ACSM6: variants seen among roughly 807,000 people sequenced by gnomAD.
The protein encoded by ACSM6 is acyl-coenzyme A synthetase ACSM6, mitochondrial.
In ACSM6, 35 loss-of-function variants were observed where a neutral mutation model predicts 51.1. The ratio of observed to expected loss-of-function variants is 0.69; its 90% CI spans 0.52 to 0.91. The LOEUF is 0.91. Among genes scored for constraint, ACSM6 ranks in the 40% least tolerant of loss-of-function variants. The pLI, the probability that ACSM6 is intolerant of heterozygous loss-of-function variation, is 0.00. For missense variants in ACSM6, 509 were observed against 584.1 expected, an observed-to-expected ratio of 0.87 and a Z score of 1.32; for synonymous variants, 172 against 207.3, an observed-to-expected ratio of 0.83 and a Z score of 1.46.
chr10:95,210,791 C>T, exon 5 of ACSM6: 1 of 1,613,382 alleles, frequency 6.2e-7, no homozygotes, highest in Non-Finnish European at 8.5e-7. Context: ...GCCAGGCTTC[C>T]AGGTACGGTT....
chr10:95,226,824 T>G (rs1193991487), intron 10 of ACSM6, among the ~76,000 whole-genome samples: 1 of 152,236 alleles, frequency 6.6e-6, no homozygotes, highest in Non-Finnish European at 1.5e-5. Flanking sequence ...TAACTCATAA[T>G]GCCACCATTC....
At chr10:95,197,761 CA>C (rs2034748433) in intron 2 of ACSM6, among the ~76,000 whole-genome samples, 1 of 152,228 alleles carries the variant, frequency 6.6e-6, no homozygotes, top group Non-Finnish European at 1.5e-5. Flanking sequence ...TCCACCTCAG[CA>C]CAGACCCTTT....
chr10:95,198,766 G>T (rs2034761068), intron 2 of ACSM6, among the ~76,000 whole-genome samples: 1 of 152,168 alleles, frequency 6.6e-6, no homozygotes, highest in Non-Finnish European at 1.5e-5. Flanking sequence ...GCAGGGGAGA[G>T]ATATAGTTGT....
exon 7 of ACSM6, chr10:95,212,916 T>G: frequency 6.2e-7 from 1 of 1,612,872 alleles, no homozygotes; most frequent in East Asian, 2.2e-5. Flanking sequence ...TACCAGGAAC[T>G]GCTTCAGCAC....
At chr10:95,203,829 C>A (rs1437168739) in intron 3 of ACSM6, among the ~76,000 whole-genome samples, 1 of 148,694 alleles carries the variant, frequency 6.7e-6, no homozygotes, top group African/African-American at 2.5e-5. Context: ...GGCCTACTGC[C>A]TTTGCCTGCT....
rs771574975 is a variant in ACSM6, at chr10:95,219,973, T to C, written c.1200+2T>C. The C allele has an allele frequency of 2.5e-6, 4 of 1,593,124 alleles. No homozygotes were observed. Among genetic ancestry groups the C allele is most frequent in the Admixed American group, 1.7e-5 (1 of 59,692 alleles). On this transcript the variant is annotated splice_donor_variant, in intron 9 of 10. Transcript: ENST00000341686. LOFTEE classifies it high-confidence loss of function. ...CCATTGCCACCTTATATTGTCCAGG[T>C]AGGAGATCATAGTAATGATTATGAC...
At chr10:95,224,785 G>A (rs1402261570) in intron 9 of ACSM6, among the ~76,000 whole-genome samples, 1 of 152,110 alleles carries the variant, frequency 6.6e-6, no homozygotes, top group Non-Finnish European at 1.5e-5. Context: ...CCACCTCCTA[G>A]ACTGTTATAA....
intron 8 of ACSM6, among the ~76,000 whole-genome samples, chr10:95,217,352 A>C (rs1252338721): frequency 6.6e-6 from 1 of 151,278 alleles, no homozygotes; most frequent in Non-Finnish European, 1.5e-5. Context: ...ATCTCAAAAA[A>C]AAAAAAGAAA....
chr10:95,203,876 A>G (rs939532017), intron 3 of ACSM6, among the ~76,000 whole-genome samples: 2 of 151,680 alleles, frequency 1.3e-5, no homozygotes, highest in Admixed American at 1.3e-4. Flanking sequence ...AAAAAAAAAA[A>G]AAAAAACTGA....
At chr10:95,216,015 A>G (rs1247874698) in intron 8 of ACSM6, among the ~76,000 whole-genome samples, 1 of 152,186 alleles carries the variant, frequency 6.6e-6, no homozygotes, top group Non-Finnish European at 1.5e-5. Context: ...TGCAGCCTCA[A>G]ACTCCTGGGA....
At chr10:95,209,729 T>C (rs2034876428) in intron 4 of ACSM6, among the ~76,000 whole-genome samples, 1 of 151,978 alleles carries the variant, frequency 6.6e-6, no homozygotes, top group African/African-American at 2.4e-5. Flanking sequence ...AGTTTTAAAT[T>C]TCCACAAATA....
At chr10:95,202,804 G>A (rs193269420) in intron 3 of ACSM6, among the ~76,000 whole-genome samples, 1 of 152,102 alleles carries the variant, frequency 6.6e-6, no homozygotes, top group Admixed American at 6.6e-5. Context: ...GCTGCATGTG[G>A]TGGCACACAC....
chr10:95,203,555 G>T (rs2034814451), intron 3 of ACSM6, among the ~76,000 whole-genome samples: 1 of 151,998 alleles, frequency 6.6e-6, no homozygotes, highest in Admixed American at 6.5e-5. Flanking sequence ...GAATAGAGCT[G>T]CTCTTTGTGG....
chr10:95,201,843 G>A, intron 2 of ACSM6, 142 bp from the exon 3 acceptor site: 1 of 670,230 alleles, frequency 1.5e-6, no homozygotes, highest in South Asian at 1.8e-5. Flanking sequence ...TGTGCCAGTT[G>A]AGAAACAGTA....
intron 9 of ACSM6, among the ~76,000 whole-genome samples, chr10:95,224,063 A>T (rs576017233): frequency 4.6e-5 from 7 of 152,330 alleles, no homozygotes; most frequent in South Asian, 4.1e-4. Flanking sequence ...AAAATTTTTT[A>T]AATCTCATTT....
chr10:95,201,279 A>G (rs1589491027), intron 2 of ACSM6, among the ~76,000 whole-genome samples: 1 of 152,176 alleles, frequency 6.6e-6, no homozygotes, highest in African/African-American at 2.4e-5. Context: ...CCAAACAGTG[A>G]CCATAGTACC....
chr10:95,223,095 T>A (rs2035008875), intron 9 of ACSM6, among the ~76,000 whole-genome samples: 1 of 151,948 alleles, frequency 6.6e-6, no homozygotes, highest in African/African-American at 2.4e-5. Flanking sequence ...AGATATTTTT[T>A]AATTTGTCAA....
chr10:95,216,670 A>G (rs1191068447), intron 8 of ACSM6, among the ~76,000 whole-genome samples: 1 of 152,162 alleles, frequency 6.6e-6, no homozygotes, highest in Admixed American at 6.5e-5. Flanking sequence ...TGGGAGCTCA[A>G]AAGATGCCAA....
intron 2 of ACSM6, among the ~76,000 whole-genome samples, chr10:95,198,672 C>T (rs1019233044): frequency 1.1e-4 from 16 of 151,754 alleles, no homozygotes; most frequent in Admixed American, 9.2e-4. Context: ...AAATTACTTC[C>T]ATGGTCACAT....
Sources: gnomAD v4.1 joint callset for allele counts (sites outside exome capture counted in the v4.1 genomes callset) on GRCh38, gnomAD v4.1.1 for gene constraint, MANE v1.5 for transcripts, NCBI Gene and HGNC (gene_info 2026-07-23, HGNC 2026-07-21) for gene names.